The following SLC17A1 variants were observed in gnomAD, a reference collection of about 807,000 sequenced individuals.
SLC17A1 encodes the protein sodium-dependent phosphate transport protein 1.
In SLC17A1, 51 loss-of-function variants were observed where a neutral mutation model predicts 53.5. The ratio of observed to expected loss-of-function variants is 0.95; its 90% CI spans 0.76 to 1.20. The LOEUF is 1.20. SLC17A1 is among the 50% of genes most tolerant of loss of function. SLC17A1 has a pLI of 0.00. For synonymous variants in SLC17A1, 179 were observed against 198.8 expected, an observed-to-expected ratio of 0.90 and a Z score of 0.84; for missense variants, 538 against 568.2, an observed-to-expected ratio of 0.95 and a Z score of 0.54.
chr6:25,746,082 A>T, the SLC17A1 span, among the ~76,000 whole-genome samples: 1 of 152,242 alleles, frequency 6.6e-6, no homozygotes, highest in African/African-American at 2.4e-5. Flanking sequence ...TTATCAATCT[A>T]GTGAACTTAA....
chr6:25,806,529 C>A (rs1763959603), intron 10 of SLC17A1, among the ~76,000 whole-genome samples: 1 of 151,848 alleles, frequency 6.6e-6, no homozygotes, highest in African/African-American at 2.4e-5. Flanking sequence ...CTAGCCAGAG[C>A]AATTAGGCAA....
intron 12 of SLC17A1, among the ~76,000 whole-genome samples, chr6:25,783,985 C>G (rs1763324666): frequency 1.2e-5 from 1 of 84,682 alleles, no homozygotes; most frequent in Admixed American, 1.4e-4. Context: ...GGGGGAGTGG[C>G]CAAGGTTCTA....
the SLC17A1 span, among the ~76,000 whole-genome samples, chr6:25,729,584 G>A: frequency 1.3e-5 from 2 of 152,124 alleles, no homozygotes; most frequent in African/African-American, 2.4e-5. Flanking sequence ...CCACGGGATG[G>A]GTGTGAACTG....
intron 12 of SLC17A1, among the ~76,000 whole-genome samples, chr6:25,796,607 T>TA (rs1763607807): frequency 6.6e-6 from 1 of 152,090 alleles, no homozygotes; most frequent in Non-Finnish European, 1.5e-5. Flanking sequence ...TCCTATTTTT[T>TA]AAAAAAATTT....
At chr6:25,805,729 A>G (rs1763929635) in intron 10 of SLC17A1, among the ~76,000 whole-genome samples, 1 of 152,108 alleles carries the variant, frequency 6.6e-6, no homozygotes, top group Non-Finnish European at 1.5e-5. Context: ...ATTAGAGACT[A>G]CTATGAACAC....
rs754062990 is a variant in SLC17A1 at position 25,819,690 on chromosome 6, C to T, written c.433G>A (p.Ala145Thr). Residue 145 changes from alanine to threonine, a missense_variant, in exon 4 of 13, where the codon GCA becomes ACA. Transcript: ENST00000244527. ...TAGCATTATTTTAATACCTGGGCTG[C>T]TCCCTGAACTGCTCGACATACAACG... is the stretch of plus-strand genomic sequence containing the variant. ...WVVVCRAVQG[A>T]AQGIVATAQF... 2.0e-5 allele frequency: 32 copies of T among 1,613,988 alleles called. No homozygotes were observed. The highest frequency in any genetic ancestry group is 2.5e-5 in the Non-Finnish European group (30 of 1,179,882).
chr6:25,779,527 G>A (rs777039838), downstream of SLC17A1: 9 of 208,162 alleles, frequency 4.3e-5, no homozygotes, highest in Non-Finnish European at 8.6e-5. Flanking sequence ...AGGGAGTTGC[G>A]CCCAACATGC....
At chr6:25,792,250 G>T (rs935895194) in intron 12 of SLC17A1, among the ~76,000 whole-genome samples, 3 of 152,078 alleles carry the variant, frequency 2.0e-5, no homozygotes, top group Non-Finnish European at 4.4e-5. Context: ...ACTCATTTTT[G>T]CCAGCCAATG....
the SLC17A1 span, chr6:25,777,688 C>T: frequency 4.9e-6 from 2 of 409,688 alleles, no homozygotes; most frequent in Non-Finnish European, 4.4e-6. Flanking sequence ...AGGTTACCCC[C>T]TTGGGAGTAC....
At chr6:25,746,277 C>T in the SLC17A1 span, among the ~76,000 whole-genome samples, 31 of 152,224 alleles carry the variant, frequency 2.0e-4, 1 homozygote, top group South Asian at 4.6e-3. Context: ...GATGATCCTT[C>T]GGCAGCTTAT....
At chr6:25,726,223 G>A in the SLC17A1 span, 2 of 1,612,856 alleles carry the variant, frequency 1.2e-6, no homozygotes, top group Non-Finnish European at 1.7e-6. Flanking sequence ...CTGGGCAATG[G>A]TCACGCCGCC....
intron 12 of SLC17A1, among the ~76,000 whole-genome samples, chr6:25,788,339 T>C (rs1277362550): frequency 1.3e-5 from 2 of 152,212 alleles, no homozygotes; most frequent in African/African-American, 2.4e-5. Flanking sequence ...AGTGAAAGAC[T>C]TAAGGGCATG....
At chr6:25,778,113 A>G (rs1373529126), downstream of SLC17A1, 7 of 792,880 alleles carry the variant, frequency 8.8e-6, no homozygotes, top group Non-Finnish European at 1.4e-5. Context: ...AGATGCTTTT[A>G]AAGTAGTCAA....
chr6:25,735,854 T>C, the SLC17A1 span, among the ~76,000 whole-genome samples: 1 of 152,136 alleles, frequency 6.6e-6, no homozygotes, highest in Non-Finnish European at 1.5e-5. Flanking sequence ...GTTTAATCAA[T>C]AAAGGAACTG....
chr6:25,726,555 A>G, the SLC17A1 span: 2 of 1,588,684 alleles, frequency 1.3e-6, no homozygotes, highest in South Asian at 1.1e-5. Context: ...CAGCAACACG[A>G]GAACCACATT....
Position 25,831,640 on chromosome 6 carries a change from A to G in SLC17A1, c.-51+354T>C, listed in dbSNP as rs118039178. Among the ~76,000 whole-genome samples, 1,220 of 152,166 alleles carry G rather than the reference A, an allele frequency of 8.0e-3. 45 individuals are homozygous for G. The highest frequency in any genetic ancestry group is 0.03 in the East Asian group (153 of 5,178). On this transcript the variant is annotated intron_variant, in intron 1 of 12. Coordinates refer to ENST00000244527, the MANE Select transcript of SLC17A1 (RefSeq NM_005074.5). ...CCTCAAAACGGAAGTACAAACTACA[A>G]ACACCACACACATAACCACACACAC...
the SLC17A1 span, among the ~76,000 whole-genome samples, chr6:25,725,804 C>T: frequency 9.2e-5 from 14 of 152,202 alleles, no homozygotes; most frequent in African/African-American, 3.4e-4. Context: ...TGTTAACGGT[C>T]AAGCCCCAGG....
At chr6:25,768,630 C>T in the SLC17A1 span, among the ~76,000 whole-genome samples, 2 of 152,178 alleles carry the variant, frequency 1.3e-5, no homozygotes, top group African/African-American at 4.8e-5. Context: ...TTTCCTCTCT[C>T]TCACTGTCCA....
chr6:25,778,786 TA>T (rs1763147777), downstream of SLC17A1, among the ~76,000 whole-genome samples: 1 of 152,176 alleles, frequency 6.6e-6, no homozygotes, highest in Non-Finnish European at 1.5e-5. Flanking sequence ...ATCACTTGCT[TA>T]AAAAGAACAC....
Sources: gnomAD v4.1 joint callset for allele counts (sites outside exome capture counted in the v4.1 genomes callset) on GRCh38, gnomAD v4.1.1 for gene constraint, MANE v1.5 for transcripts, NCBI Gene and HGNC (gene_info 2026-07-23, HGNC 2026-07-21) for gene names.